GALNTL6: variants seen among roughly 807,000 people sequenced by gnomAD.
GALNTL6 encodes polypeptide N-acetylgalactosaminyltransferase like 6.
GALNTL6 carries 46 observed loss-of-function variants against 73.7 expected under a neutral mutation model. That is an observed-to-expected ratio of 0.62 (90% CI 0.49 to 0.80). The LOEUF (loss-of-function observed/expected upper bound fraction) is 0.80. Among genes scored for constraint, GALNTL6 ranks in the 30% least tolerant of loss-of-function variants. The pLI, the probability that GALNTL6 is intolerant of heterozygous loss-of-function variation, is 0.00. For missense variants in GALNTL6, 604 were observed against 755.0 expected, an observed-to-expected ratio of 0.80 and a Z score of 2.34; for synonymous variants, 259 against 263.7, an observed-to-expected ratio of 0.98 and a Z score of 0.17.
At chr4:173,021,388 A>G (rs1484738144) in intron 11 of GALNTL6, 88 bp from the exon 12 acceptor site, 9 of 1,347,476 alleles carry the variant, frequency 6.7e-6, no homozygotes, top group African/African-American at 5.8e-5. Context: ...GGAGTTCTAC[A>G]TTGCTAAAAG....
chr4:173,032,597 A>G (rs1753517212), intron 12 of GALNTL6, among the ~76,000 whole-genome samples: 1 of 152,172 alleles, frequency 6.6e-6, no homozygotes, highest in Non-Finnish European at 1.5e-5. Flanking sequence ...AGAGGGAACG[A>G]TTGTTTGAGC....
chr4:172,570,989 G>A (rs1736737085), intron 5 of GALNTL6, among the ~76,000 whole-genome samples: 1 of 152,142 alleles, frequency 6.6e-6, no homozygotes, highest in Non-Finnish European at 1.5e-5. Flanking sequence ...TTTGACAGGA[G>A]GTGGAGCTCA....
intron 5 of GALNTL6, among the ~76,000 whole-genome samples, chr4:172,477,695 C>T (rs768596413): frequency 1.3e-5 from 2 of 152,120 alleles, no homozygotes; most frequent in Non-Finnish European, 2.9e-5. Context: ...CATCTAATAA[C>T]AAAACAGGAG....
intron 5 of GALNTL6, among the ~76,000 whole-genome samples, chr4:172,581,202 A>G (rs1233262091): frequency 6.6e-6 from 1 of 152,224 alleles, no homozygotes; most frequent in Non-Finnish European, 1.5e-5. Flanking sequence ...AGATAAACAT[A>G]TATGCCATAA....
chr4:172,818,740 A>G (rs1050334843), intron 7 of GALNTL6, among the ~76,000 whole-genome samples: 3 of 152,130 alleles, frequency 2.0e-5, no homozygotes, highest in Non-Finnish European at 4.4e-5. Flanking sequence ...CTGAGATTAC[A>G]GGAGCACGCC....
At chr4:172,708,412 A>G (rs1326712523) in intron 5 of GALNTL6, among the ~76,000 whole-genome samples, 1 of 152,154 alleles carries the variant, frequency 6.6e-6, no homozygotes, top group East Asian at 1.9e-4. Flanking sequence ...GCATTTCTCT[A>G]CCAATGTCTG....
At chr4:172,820,160 G>T (rs1427797996) in intron 7 of GALNTL6, among the ~76,000 whole-genome samples, 1 of 152,216 alleles carries the variant, frequency 6.6e-6, no homozygotes, top group Admixed American at 6.5e-5. Flanking sequence ...ACCCAGGCTT[G>T]GGTTGACTAA....
intron 2 of GALNTL6, among the ~76,000 whole-genome samples, chr4:171,937,384 A>G (rs1738382544): frequency 6.6e-6 from 1 of 152,160 alleles, no homozygotes; most frequent in African/African-American, 2.4e-5. Flanking sequence ...TAACTCATAG[A>G]TAAAAAGTTA....
chr4:171,919,066 T>G (rs1185117976), intron 2 of GALNTL6, among the ~76,000 whole-genome samples: 3 of 152,116 alleles, frequency 2.0e-5, no homozygotes, highest in African/African-American at 7.2e-5. Flanking sequence ...AGATGTCTGG[T>G]GTACAACATT....
At chr4:172,713,222 A>ATGTG (rs61504713) in intron 5 of GALNTL6, among the ~76,000 whole-genome samples, 35,245 of 138,462 alleles carry the variant, frequency 0.25, 4,839 homozygotes, top group East Asian at 0.41. Flanking sequence ...AAAGAATAAG[A>ATGTG]TGTGTGTGTG....
chr4:172,980,776 A>C (rs1162464160), intron 10 of GALNTL6, among the ~76,000 whole-genome samples: 1 of 152,224 alleles, frequency 6.6e-6, no homozygotes, highest in African/African-American at 2.4e-5. Flanking sequence ...ATTGACGGTT[A>C]GGGCTTCAAC....
chr4:173,032,325 A>C (rs190204270), intron 12 of GALNTL6, among the ~76,000 whole-genome samples: 4 of 152,082 alleles, frequency 2.6e-5, no homozygotes, highest in Admixed American at 6.6e-5. Context: ...GTGGCGGATG[A>C]CTGTAGTCCC....
intron 10 of GALNTL6, among the ~76,000 whole-genome samples, chr4:172,977,346 A>G (rs1750862421): frequency 6.6e-6 from 1 of 152,150 alleles, no homozygotes; most frequent in Non-Finnish European, 1.5e-5. Context: ...GCCAAAATTT[A>G]CTTCTCAGTC....
At chr4:172,890,432 G>A (rs1745971309) in intron 8 of GALNTL6, among the ~76,000 whole-genome samples, 1 of 151,792 alleles carries the variant, frequency 6.6e-6, no homozygotes, top group African/African-American at 2.4e-5. Flanking sequence ...GATATGTTCT[G>A]TTTCTGTTTC....
chr4:172,368,333 A>T (rs60464378), intron 5 of GALNTL6, among the ~76,000 whole-genome samples: 2,318 of 152,302 alleles, frequency 0.015, 60 homozygotes, highest in African/African-American at 0.052. Context: ...GTGAGCTGAG[A>T]TCACGCCATT....
At chr4:172,975,872 CA>C (rs1260791992) in intron 10 of GALNTL6, among the ~76,000 whole-genome samples, 3 of 152,192 alleles carry the variant, frequency 2.0e-5, no homozygotes, top group Non-Finnish European at 4.4e-5. Flanking sequence ...AGAAGCCAGA[CA>C]GCAGGAGTAG....
chr4:172,451,529 A>T (rs544796475), intron 5 of GALNTL6, among the ~76,000 whole-genome samples: 104 of 152,304 alleles, frequency 6.8e-4, no homozygotes, highest in African/African-American at 2.4e-3. Flanking sequence ...AGTGGTAAGG[A>T]TTAGAGTAGT....
At chr4:172,455,428 CT>C (rs1732359670) in intron 5 of GALNTL6, among the ~76,000 whole-genome samples, 1 of 152,166 alleles carries the variant, frequency 6.6e-6, no homozygotes, top group Non-Finnish European at 1.5e-5. Flanking sequence ...GATCCCACCC[CT>C]ATGGAGCCCA....
rs1216197688 is a variant in GALNTL6 at position 171,906,406 on chromosome 4, A to C, written c.138+91688A>C. ...CTAGAAAATCTAGAAGAAATGGATA[A>C]ATTCCTCGACACATACACTCTCCCA... On this transcript the variant is annotated intron_variant, in intron 2 of 12. Coordinates refer to ENST00000506823, the MANE Select transcript of GALNTL6 (RefSeq NM_001034845.3). 3.8e-3 allele frequency among the ~76,000 whole-genome samples: 579 copies of C among 151,482 alleles called. 2 individuals carry two copies. The highest frequency in any genetic ancestry group is 0.013 in the African/African-American group (542 of 40,856).
Sources: allele counts gnomAD v4.1 joint callset (sites outside exome capture counted in the v4.1 genomes callset), GRCh38; gene constraint gnomAD v4.1.1; transcripts MANE v1.5; gene names NCBI Gene and HGNC (gene_info 2026-07-23, HGNC 2026-07-21).